The following PPFIBP1 variants were observed in gnomAD, a reference collection of about 807,000 sequenced individuals.
PPFIBP1 encodes the protein liprin-beta-1.
A neutral mutation model predicts 137.8 loss-of-function variants in PPFIBP1; 112 were observed. That is an observed-to-expected ratio of 0.81 (90% confidence interval 0.70 to 0.95). PPFIBP1 has a LOEUF of 0.95. Ranked by LOEUF, PPFIBP1 falls within the 40% of genes least tolerant of loss-of-function variation. The pLI is 0.00. For missense variants in PPFIBP1, 1,083 were observed against 1,196.6 expected (o/e 0.91, Z 1.40); for synonymous variants, 378 against 417.3 (o/e 0.91, Z 1.15).
chr12:27,566,027 G>T (rs1443353645), intron 1 of PPFIBP1, among the ~76,000 whole-genome samples: 5 of 151,738 alleles, frequency 3.3e-5, no homozygotes, highest in Non-Finnish European at 7.4e-5. Flanking sequence ...TACATTATAG[G>T]TCATTAATAT....
chr12:27,673,816 A>G lies in PPFIBP1; in HGVS notation c.1369A>G (p.Thr457Ala). 1.9e-6 allele frequency: 3 copies of G among 1,613,458 alleles called. No homozygotes were observed. The highest frequency in any genetic ancestry group is 2.5e-6 in the Non-Finnish European group (3 of 1,179,586). Residue 457 changes from threonine to alanine, a missense_variant, in exon 16 of 30, where the codon ACA becomes GCA. Coordinates refer to ENST00000228425, the MANE Select transcript of PPFIBP1 (RefSeq NM_003622.4). ...SSSLGNLKKE[T>A]SDGEKETIQK... ...CAGCCTGGGCAATCTGAAGAAAGAG[A>G]CATCTGATGGGGTGGGTTCTGTGTT...
rs1017101636 is a variant in PPFIBP1, at chr12:27,637,354, G to A, written c.270+2239G>A. On this transcript the variant is annotated intron_variant, in intron 4 of 29. Coordinates refer to ENST00000228425, the MANE Select transcript of PPFIBP1 (RefSeq NM_003622.4). ...TTGTTTTAAATTTATTCTTTGGATG[G>A]GTAATGGCTTGTTGATCTGTGTTTT... The A allele has an allele frequency of 2.6e-5, 4 of 152,192 alleles. No individual in the cohort carries two copies. In the South Asian group the frequency reaches 8.3e-4, roughly 32 times the overall value. 9.4% of individuals were successfully genotyped at this position (152,192 alleles called of 1,614,324 possible).
At chr12:27,646,350 TC>T in intron 5 of PPFIBP1, 1 of 598,554 alleles carries the variant, frequency 1.7e-6, no homozygotes, top group Non-Finnish European at 3.1e-6. Context: ...CTACCATTAA[TC>T]ATCCTCAGCT....
intron 1 of PPFIBP1, among the ~76,000 whole-genome samples, chr12:27,527,318 G>A (rs1943875264): frequency 1.3e-5 from 2 of 151,212 alleles, no homozygotes; most frequent in African/African-American, 4.9e-5. Context: ...GTGCAGTCTC[G>A]GCTCACTGTA....
At chr12:27,600,799 A>G (rs569664363) in intron 2 of PPFIBP1, among the ~76,000 whole-genome samples, 2 of 152,322 alleles carry the variant, frequency 1.3e-5, no homozygotes, top group South Asian at 4.1e-4. Flanking sequence ...TGAACTGTAC[A>G]GTTAAAAATG....
intron 2 of PPFIBP1, among the ~76,000 whole-genome samples, chr12:27,581,981 C>CGT (rs971510071): frequency 5.6e-4 from 80 of 142,744 alleles, no homozygotes; most frequent in Non-Finnish European, 7.2e-4. Context: ...TGTGTGTGTA[C>CGT]GTATGTGTGT....
At chr12:27,576,029 G>T (rs1329562427) in intron 1 of PPFIBP1, among the ~76,000 whole-genome samples, 1 of 152,106 alleles carries the variant, frequency 6.6e-6, no homozygotes, top group Non-Finnish European at 1.5e-5. Context: ...CAAATAATCA[G>T]AGCTCTGTGC....
chr12:27,654,522 G>T (rs1258960844), intron 7 of PPFIBP1, 200 bp from the exon 8 acceptor site: 4 of 568,474 alleles, frequency 7.0e-6, no homozygotes, highest in Non-Finnish European at 1.1e-5. Context: ...CAGACGCATT[G>T]GGGATTTAAA....
chr12:27,527,213 A>C (rs918576909), intron 1 of PPFIBP1, among the ~76,000 whole-genome samples: 2 of 152,048 alleles, frequency 1.3e-5, no homozygotes, highest in Non-Finnish European at 2.9e-5. Context: ...CAAACTGTTA[A>C]CTGAAAGAAG....
chr12:27,619,914 A>G (rs1269287380), intron 2 of PPFIBP1, among the ~76,000 whole-genome samples: 2 of 151,816 alleles, frequency 1.3e-5, no homozygotes, highest in African/African-American at 2.4e-5. Flanking sequence ...GCGTTTATAT[A>G]TATACATATA....
intron 1 of PPFIBP1, chr12:27,552,713 T>C (rs1375926911): frequency 6.6e-6 from 1 of 152,188 alleles, no homozygotes; most frequent in Non-Finnish European, 1.5e-5. Context: ...CAATGATACT[T>C]GTTAAAGCAT....
intron 5 of PPFIBP1, 122 bp from the exon 6 acceptor site, chr12:27,647,607 T>C (rs2139524360): frequency 1.7e-6 from 1 of 595,830 alleles, no homozygotes; most frequent in Non-Finnish European, 2.9e-6. Flanking sequence ...CTCAGATTTT[T>C]TTTTCTTTAT....
At chr12:27,537,167 G>A (rs747369205) in intron 1 of PPFIBP1, among the ~76,000 whole-genome samples, 10 of 151,500 alleles carry the variant, frequency 6.6e-5, no homozygotes, top group Non-Finnish European at 1.3e-4. Context: ...AGTCTCTCAC[G>A]GTCACCTAGG....
chr12:27,640,878 G>A (rs536040765), intron 4 of PPFIBP1, among the ~76,000 whole-genome samples: 8 of 152,300 alleles, frequency 5.3e-5, no homozygotes, highest in African/African-American at 1.2e-4. Flanking sequence ...GTTTGCATGC[G>A]TGGCAGAGGT....
intron 2 of PPFIBP1, chr12:27,592,437 C>T: frequency 2.5e-6 from 2 of 814,456 alleles, no homozygotes; most frequent in South Asian, 4.1e-5. Flanking sequence ...TTTCAACTTT[C>T]CAAAAAGTTG....
intron 4 of PPFIBP1, chr12:27,636,263 T>TAG (rs1555223331): frequency 6.6e-6 from 1 of 151,440 alleles, no homozygotes; most frequent in African/African-American, 2.4e-5. Context: ...AAACTGGAGT[T>TAG]ATTTTACTTG....
chr12:27,627,888 T>C (rs2056958944), intron 2 of PPFIBP1, among the ~76,000 whole-genome samples: 1 of 143,242 alleles, frequency 7.0e-6, no homozygotes, highest in Non-Finnish European at 1.5e-5. Context: ...TATCTAAAAC[T>C]TTCCTACATT....
At chr12:27,587,471 A>G (rs1054510188) in intron 2 of PPFIBP1, among the ~76,000 whole-genome samples, 2 of 151,714 alleles carry the variant, frequency 1.3e-5, no homozygotes, top group African/African-American at 2.4e-5. Context: ...AAATACAAAA[A>G]AATTAGCTGG....
chr12:27,565,120 A>G (rs535823339), intron 1 of PPFIBP1, among the ~76,000 whole-genome samples: 6 of 152,326 alleles, frequency 3.9e-5, no homozygotes, highest in South Asian at 2.1e-4. Context: ...TCTCCACTCA[A>G]TCTCTAAGGA....
Sources: allele counts gnomAD v4.1 joint callset (sites outside exome capture counted in the v4.1 genomes callset), GRCh38; gene constraint gnomAD v4.1.1; transcripts MANE v1.5; gene names NCBI Gene and HGNC (gene_info 2026-07-23, HGNC 2026-07-21).